Variants in EFNA5 observed in about 807,000 individuals in gnomAD.
The protein encoded by EFNA5 is ephrin A5.
A neutral mutation model predicts 22.9 loss-of-function variants in EFNA5; 5 were observed. The observed-to-expected ratio is 0.22, with a 90% CI of 0.11 to 0.46. The LOEUF is 0.46. EFNA5 is among the 20% of genes least tolerant of loss of function. The pLI is 0.99. For missense variants in EFNA5, 237 were observed against 293.3 expected (o/e 0.81, Z 1.40); for synonymous variants, 113 against 112.2 (o/e 1.01, Z -0.04).
At chr5:107,599,652 A>G (rs909523063) in intron 1 of EFNA5, among the ~76,000 whole-genome samples, 1 of 152,282 alleles carries the variant, frequency 6.6e-6, no homozygotes, top group Non-Finnish European at 1.5e-5. Flanking sequence ...TGTAGTAATC[A>G]TAAATATCAC....
At chr5:107,546,577 G>A (rs1015210844) in intron 1 of EFNA5, among the ~76,000 whole-genome samples, 3 of 151,960 alleles carry the variant, frequency 2.0e-5, no homozygotes, top group Non-Finnish European at 4.4e-5. Flanking sequence ...GCAGAGCAAT[G>A]AAATAGGAAG....
intron 1 of EFNA5, 147 bp from the exon 2 acceptor site, chr5:107,427,656 T>A: frequency 1.5e-6 from 1 of 674,352 alleles, no homozygotes; most frequent in Non-Finnish European, 2.3e-6. Context: ...TGGGGCATGG[T>A]TTGAAATGTT....
intron 1 of EFNA5, among the ~76,000 whole-genome samples, chr5:107,640,525 T>C (rs1750478207): frequency 6.6e-6 from 1 of 152,246 alleles, no homozygotes; most frequent in Non-Finnish European, 1.5e-5. Flanking sequence ...TCTGTCTTCC[T>C]GATTTGGAAG....
intron 1 of EFNA5, among the ~76,000 whole-genome samples, chr5:107,440,545 T>C (rs923398304): frequency 2.0e-5 from 3 of 152,176 alleles, no homozygotes; most frequent in Non-Finnish European, 4.4e-5. Flanking sequence ...GACGATGAAA[T>C]AAGCAGATGA....
At chr5:107,503,222 A>C (rs1368750433) in intron 1 of EFNA5, among the ~76,000 whole-genome samples, 1 of 152,196 alleles carries the variant, frequency 6.6e-6, no homozygotes, top group East Asian at 1.9e-4. Context: ...AGGATTGGTA[A>C]AATTGTCACC....
intron 2 of EFNA5, among the ~76,000 whole-genome samples, chr5:107,424,875 G>C (rs926320254): frequency 6.6e-6 from 1 of 152,128 alleles, no homozygotes; most frequent in Non-Finnish European, 1.5e-5. Context: ...TTACTAAAAA[G>C]ACAGGGAAGG....
At chr5:107,550,441 A>ACTCT (rs1748268470) in intron 1 of EFNA5, among the ~76,000 whole-genome samples, 1 of 152,134 alleles carries the variant, frequency 6.6e-6, no homozygotes, top group African/African-American at 2.4e-5. Context: ...TGTAGAGGAG[A>ACTCT]ATGATTATGC....
At chr5:107,474,916 T>C (rs1276766242) in intron 1 of EFNA5, among the ~76,000 whole-genome samples, 1 of 152,236 alleles carries the variant, frequency 6.6e-6, no homozygotes, top group Non-Finnish European at 1.5e-5. Flanking sequence ...TCAAGGCCTA[T>C]ACAATTTACA....
chr5:107,476,966 CTA>C (rs545464961), intron 1 of EFNA5, among the ~76,000 whole-genome samples: 6 of 152,062 alleles, frequency 3.9e-5, no homozygotes, highest in Non-Finnish European at 8.8e-5. Flanking sequence ...TAATGAAAAA[CTA>C]TTTCAAGTCA....
At chr5:107,568,228 C>T (rs1371400610) in intron 1 of EFNA5, among the ~76,000 whole-genome samples, 5 of 152,162 alleles carry the variant, frequency 3.3e-5, no homozygotes, top group Non-Finnish European at 5.9e-5. Context: ...CACACATATA[C>T]CCCTCTGCAT....
chr5:107,393,657 G>T (rs945256327), intron 2 of EFNA5, among the ~76,000 whole-genome samples: 1 of 152,164 alleles, frequency 6.6e-6, no homozygotes, highest in Non-Finnish European at 1.5e-5. Flanking sequence ...CAAGTCAAAA[G>T]AAAAGATAGG....
chr5:107,643,855 T>C (rs1247416829), intron 1 of EFNA5, among the ~76,000 whole-genome samples: 2 of 146,736 alleles, frequency 1.4e-5, no homozygotes, highest in Admixed American at 1.4e-4. Context: ...TTCTTCTTTA[T>C]AGCTGTCTAT....
intron 1 of EFNA5, among the ~76,000 whole-genome samples, chr5:107,540,952 C>T (rs908005962): frequency 6.6e-6 from 1 of 151,858 alleles, no homozygotes; most frequent in Non-Finnish European, 1.5e-5. Flanking sequence ...ACTAAAAGTA[C>T]AAAAATTAGC....
chr5:107,432,459 T>A (rs531271745), intron 1 of EFNA5, among the ~76,000 whole-genome samples: 89 of 152,324 alleles, frequency 5.8e-4, no homozygotes, highest in African/African-American at 2.1e-3. Flanking sequence ...CTTAATTCCA[T>A]CCATTGTATC....
Position 107,377,014 on chromosome 5 carries a change from C to T in EFNA5, c.*4241G>A, listed in dbSNP as rs772778828. 5 of 150,904 alleles carry T rather than the reference C, an allele frequency of 3.3e-5. No homozygotes were observed. Among genetic ancestry groups the T allele is most frequent in the Non-Finnish European group, 5.9e-5 (4 of 67,836 alleles). The allele number at this position is 150,904 out of a possible 1,614,324, so 9.3% of individuals were successfully genotyped here. A position where few individuals can be genotyped will look rare whatever the true frequency, so the allele number is the denominator to read the frequency against. On this transcript the variant is annotated 3_prime_UTR_variant, in exon 5 of 5. Transcript: ENST00000333274. ...TTTTTTTTTTTTACATTTTCTTTTACGTTTATATAATGTCAGCATTTCAAA... is the reference window on the plus strand; with the variant it reads ...TTTTTTTTTTTTACATTTTCTTTTATGTTTATATAATGTCAGCATTTCAAA...
At chr5:107,650,908 TC>T (rs759617150) in intron 1 of EFNA5, among the ~76,000 whole-genome samples, 22 of 152,318 alleles carry the variant, frequency 1.4e-4, no homozygotes, top group Non-Finnish European at 2.2e-4. Flanking sequence ...AAAGAACCAG[TC>T]CACGAAACAT....
intron 1 of EFNA5, among the ~76,000 whole-genome samples, chr5:107,605,381 T>G (rs1022096847): frequency 6.6e-6 from 1 of 152,020 alleles, no homozygotes; most frequent in Non-Finnish European, 1.5e-5. Flanking sequence ...TATTTGAAAA[T>G]TTTTTGCAAT....
intron 2 of EFNA5, among the ~76,000 whole-genome samples, chr5:107,410,597 T>A (rs913133397): frequency 1.3e-5 from 2 of 152,208 alleles, no homozygotes; most frequent in East Asian, 3.8e-4. Context: ...GTGAGCACTG[T>A]ATATTGCACC....
intron 1 of EFNA5, among the ~76,000 whole-genome samples, chr5:107,569,541 ATGTGTGTATATATATATT>A (rs1748739907): frequency 2.4e-5 from 3 of 125,634 alleles, no homozygotes; most frequent in African/African-American, 8.9e-5. Context: ...TTATATATAT[ATGTGTGTATATATATATT>A]TATATATATA....
Sources: allele counts gnomAD v4.1 joint callset (sites outside exome capture counted in the v4.1 genomes callset), GRCh38; gene constraint gnomAD v4.1.1; transcripts MANE v1.5; gene names NCBI Gene and HGNC (gene_info 2026-07-23, HGNC 2026-07-21).